The following GABBR2 variants were observed in gnomAD, a reference collection of about 807,000 sequenced individuals.
GABBR2 encodes gamma-aminobutyric acid type B receptor subunit 2.
Under a neutral mutation model 105.6 loss-of-function variants are expected in GABBR2, and 23 were observed. The observed-to-expected ratio is 0.22, with a 90% CI of 0.16 to 0.31. The LOEUF (loss-of-function observed/expected upper bound fraction) is 0.31, where lower values mean the gene tolerates loss of function less well. GABBR2 is among the 10% of genes least tolerant of loss of function. The pLI is 1.00. For missense variants in GABBR2, 734 were observed against 1,245.5 expected (o/e 0.59, Z 6.18); for synonymous variants, 478 against 499.7 (o/e 0.96, Z 0.58).
At chr9:98,313,891 G>C (rs34283833) in intron 13 of GABBR2, among the ~76,000 whole-genome samples, 39,565 of 152,038 alleles carry the variant, frequency 0.26, 5,443 homozygotes, top group South Asian at 0.4. Context: ...CTTCTGTGAG[G>C]TGGGGGAAAG....
chr9:98,660,847 A>G (rs1218381964), intron 1 of GABBR2, among the ~76,000 whole-genome samples: 1 of 152,134 alleles, frequency 6.6e-6, no homozygotes, highest in East Asian at 1.9e-4. Context: ...TCCTTCTTAT[A>G]AGAACCCTTG....
intron 1 of GABBR2, 43 bp downstream of exon 1, chr9:98,708,374 A>G: frequency 7.5e-7 from 1 of 1,327,986 alleles, no homozygotes; most frequent in Non-Finnish European, 9.7e-7. Context: ...ACCCACCCCA[A>G]TGCCCCCCGA....
Position 98,454,181 on chromosome 9 carries a change from G to A in GABBR2, c.1036C>T (p.Arg346Trp), listed in dbSNP as rs952504124. Reference sequence around the variant, plus strand: ...AACTTGCTGGGCCCCACGCCTGACCGCTTGTTGTTGTACTCTCTCTCATAC... The same window carrying A: ...AACTTGCTGGGCCCCACGCCTGACCACTTGTTGTTGTACTCTCTCTCATAC... ...QQYEREYNNK[R>W]SGVGPSKFHG... Residue 346 changes from arginine (R) to tryptophan (W), a missense_variant, in exon 7 of 19, where the codon CGG becomes TGG. Around this residue, in one of 7 missense-constraint regions of GABBR2, gnomAD observed 370 missense variants for 648.9 expected, o/e 0.57. Transcript: ENST00000259455. The surrounding 1 kb of genome is among the most constrained non-coding windows in gnomAD (Gnocchi z 4.6). The A allele has an allele frequency of 1.2e-5, 19 of 1,613,696 alleles. No homozygotes were observed. Among genetic ancestry groups the A allele is most frequent in the African/African-American group, 5.3e-5 (4 of 74,910 alleles).
At chr9:98,688,534 AT>A (rs772284213) in intron 1 of GABBR2, among the ~76,000 whole-genome samples, 5 of 152,110 alleles carry the variant, frequency 3.3e-5, no homozygotes, top group Non-Finnish European at 7.4e-5. Context: ...TCTTTATCTC[AT>A]TGAAAAATCA....
At chr9:98,367,298 T>TAA (rs368200743) in intron 12 of GABBR2, among the ~76,000 whole-genome samples, 16,245 of 109,942 alleles carry the variant, frequency 0.15, 1,183 homozygotes, top group East Asian at 0.18. Flanking sequence ...TATATGTCAG[T>TAA]AAAAAAAAAA....
intron 13 of GABBR2, among the ~76,000 whole-genome samples, chr9:98,311,958 A>T (rs77266265): frequency 0.018 from 2,744 of 152,338 alleles, 83 homozygotes; most frequent in African/African-American, 0.061. Context: ...CAAGACAAAA[A>T]GACACCCAGG....
intron 1 of GABBR2, among the ~76,000 whole-genome samples, chr9:98,669,133 A>G (rs1237469417): frequency 6.6e-6 from 1 of 152,208 alleles, no homozygotes; most frequent in African/African-American, 2.4e-5. Flanking sequence ...ATTGTTTTCC[A>G]TGGTGGCTGT....
At chr9:98,646,415 G>A (rs1351335573) in intron 1 of GABBR2, among the ~76,000 whole-genome samples, 2 of 152,188 alleles carry the variant, frequency 1.3e-5, no homozygotes, top group South Asian at 2.1e-4. Flanking sequence ...TGACTCCACC[G>A]GGAGAGGACT....
chr9:98,414,170 G>A (rs1263326961), intron 7 of GABBR2, among the ~76,000 whole-genome samples: 1 of 152,182 alleles, frequency 6.6e-6, no homozygotes, highest in Non-Finnish European at 1.5e-5. Context: ...TGACATAAAG[G>A]AAAAGAGCAG....
chr9:98,611,083 G>C (rs1351252437), intron 1 of GABBR2, among the ~76,000 whole-genome samples: 1 of 152,124 alleles, frequency 6.6e-6, no homozygotes, highest in Admixed American at 6.5e-5. Context: ...TCTGTCCAGG[G>C]AGGTCATTCC....
chr9:98,704,116 C>G (rs1830865913), intron 1 of GABBR2, among the ~76,000 whole-genome samples: 1 of 152,212 alleles, frequency 6.6e-6, no homozygotes, highest in African/African-American at 2.4e-5. Context: ...ATGTTTTACA[C>G]CTTTCTGCAG....
intron 1 of GABBR2, among the ~76,000 whole-genome samples, chr9:98,622,864 G>A (rs1459690886): frequency 6.6e-6 from 1 of 152,172 alleles, no homozygotes; most frequent in African/African-American, 2.4e-5. Flanking sequence ...TTAGGGCAAT[G>A]GAGATACTCC....
intron 3 of GABBR2, among the ~76,000 whole-genome samples, chr9:98,515,301 CT>C (rs1204335587): frequency 2.6e-5 from 4 of 152,206 alleles, no homozygotes; most frequent in Non-Finnish European, 4.4e-5. Context: ...GTTCTCACCC[CT>C]GCAGAAATAG....
At chr9:98,423,485 A>T (rs112085289) in intron 7 of GABBR2, among the ~76,000 whole-genome samples, 40,976 of 151,896 alleles carry the variant, frequency 0.27, 6,450 homozygotes, top group Middle Eastern at 0.36. Context: ...GTTTGAGTTC[A>T]TTGTAGATTC....
intron 8 of GABBR2, among the ~76,000 whole-genome samples, chr9:98,394,597 G>T (rs1031872307): frequency 2.0e-5 from 3 of 152,156 alleles, no homozygotes; most frequent in African/African-American, 7.2e-5. Flanking sequence ...TGCTCAACTG[G>T]CTCTGCCCTC....
intron 2 of GABBR2, among the ~76,000 whole-genome samples, chr9:98,546,215 T>C (rs1739081620): frequency 1.3e-5 from 2 of 152,230 alleles, no homozygotes; most frequent in Admixed American, 6.5e-5. Context: ...AGCTATAGAA[T>C]TCTTTATTAG....
chr9:98,499,119 TA>T (rs1827346334), intron 3 of GABBR2, among the ~76,000 whole-genome samples: 1 of 152,226 alleles, frequency 6.6e-6, no homozygotes, highest in Non-Finnish European at 1.5e-5. Context: ...AATGGCTTTG[TA>T]AACTCTAAAG....
intron 7 of GABBR2, among the ~76,000 whole-genome samples, chr9:98,439,494 C>T (rs985104453): frequency 2.0e-5 from 3 of 152,162 alleles, no homozygotes; most frequent in African/African-American, 7.2e-5. Context: ...AAATGAAGGA[C>T]ACTAATATCG....
At chr9:98,366,324 G>A (rs974280242) in intron 12 of GABBR2, among the ~76,000 whole-genome samples, 3 of 152,190 alleles carry the variant, frequency 2.0e-5, no homozygotes, top group Admixed American at 2.0e-4. Context: ...TGGGAACGTA[G>A]CCTTGCTCGT....
Sources: gnomAD v4.1 joint callset for allele counts (sites outside exome capture counted in the v4.1 genomes callset) on GRCh38, gnomAD v4.1.1 for gene constraint, gnomAD v4.1.1 regional missense constraint, Gnocchi (gnomAD v3.1) non-coding constraint, MANE v1.5 for transcripts, NCBI Gene and HGNC (gene_info 2026-07-23, HGNC 2026-07-21) for gene names.